CCDC88A: variants seen among roughly 807,000 people sequenced by gnomAD.
CCDC88A encodes coiled-coil and HOOK domain protein 88A, also known as girdin.
In CCDC88A, 54 loss-of-function variants were observed where a neutral mutation model predicts 234.3. The observed-to-expected ratio is 0.23, with a 90% confidence interval of 0.19 to 0.29. The LOEUF (loss-of-function observed/expected upper bound fraction) is 0.29. Among genes scored for constraint, CCDC88A ranks in the 10% least tolerant of loss-of-function variants. The pLI is 1.00. For synonymous variants in CCDC88A, 753 were observed against 737.8 expected (o/e 1.02, Z -0.33); for missense variants, 1,832 against 2,123.4 (o/e 0.86, Z 2.70).
intron 12 of CCDC88A, among the ~76,000 whole-genome samples, chr2:55,341,067 G>A (rs1370016306): frequency 6.7e-6 from 1 of 150,182 alleles, no homozygotes; most frequent in African/African-American, 2.5e-5. Flanking sequence ...TTGTCTTTCT[G>A]TGCCTAGCTT....
chr2:55,295,220 A>G, intron 31 of CCDC88A: 2 of 1,325,964 alleles, frequency 1.5e-6, no homozygotes, highest in Non-Finnish European at 2.0e-6. Flanking sequence ...GATGATCAGA[A>G]AACTGTTCAT....
intron 12 of CCDC88A, among the ~76,000 whole-genome samples, chr2:55,343,235 T>C (rs1298420722): frequency 1.3e-5 from 2 of 152,160 alleles, no homozygotes; most frequent in African/African-American, 4.8e-5. Flanking sequence ...ATTCTAACTA[T>C]ATTTTCCTCT....
At position 55,306,493 on chromosome 2, in the gene CCDC88A, G is replaced by T. The variant is rs189361654; in HGVS notation, c.4387+2316C>A. ...TATATGTACATATATATACCTGTGT[G>T]TGTATATATAAGTGTGTATGACTTT... is the stretch of plus-strand genomic sequence containing the variant. On this transcript the variant is annotated intron_variant, in intron 25 of 32. Transcript: ENST00000436346. Among the ~76,000 whole-genome samples, 705 of 152,226 alleles carry T rather than the reference G, an allele frequency of 4.6e-3. 5 individuals carry two copies. The highest frequency in any genetic ancestry group is 7.6e-3 in the Non-Finnish European group (519 of 68,016).
intron 9 of CCDC88A, chr2:55,349,255 A>G (rs1669567399): frequency 1.3e-5 from 5 of 386,692 alleles, no homozygotes; most frequent in South Asian, 9.1e-5. Context: ...AGCCAAACAC[A>G]TCAAAAAGAA....
At position 55,334,950 on chromosome 2, in the gene CCDC88A, C is replaced by CGAA; in HGVS notation, c.1870_1871insTTC (p.Gly624delinsValArg). 6.4e-7 allele frequency: 1 copy of CGAA among 1,565,338 alleles called. No individual in the cohort carries two copies. Among genetic ancestry groups the CGAA allele is most frequent in the Non-Finnish European group, 8.7e-7 (1 of 1,150,590 alleles). On this transcript the variant is annotated protein_altering_variant, in exon 15 of 33. Transcript: ENST00000436346. This position sits in a 1 kb window ranked among gnomAD's most constrained non-coding sequence, Gnocchi z 6.1. ...ATTTTCAAGTTCTTCAGCTCGTTCT[C>CGAA]CTTTTTCTTTATAATGTTCCAATTC...
chr2:55,328,529 G>T lies in CCDC88A; in HGVS notation c.2856-94C>A. On this transcript the variant is annotated intron_variant, in intron 16 of 32. Coordinates refer to ENST00000436346, the MANE Select transcript of CCDC88A (RefSeq NM_001365480.1). This position sits in a 1 kb window ranked among gnomAD's most constrained non-coding sequence, Gnocchi z 4.3. The stretch of plus-strand genomic sequence containing the variant: ...ACCACAAATATTCATGCCATAAATG[G>T]GTCTTATAAAAGCATTTTTGTTAAA... 3.5e-6 allele frequency: 3 copies of T among 866,350 alleles called. No homozygotes were observed. Among genetic ancestry groups the T allele is most frequent in the South Asian group, 5.0e-5 (2 of 40,284 alleles). 53.7% of individuals were successfully genotyped at this position (866,350 alleles called of 1,614,324 possible).
At chr2:55,416,439 AATAAATAT>A (rs1424901363) in intron 2 of CCDC88A, among the ~76,000 whole-genome samples, 8 of 25,580 alleles carry the variant, frequency 3.1e-4, no homozygotes, top group South Asian at 3.4e-3. Flanking sequence ...TAAATAAATA[AATAAATAT>A]ATATATATAT....
intron 7 of CCDC88A, among the ~76,000 whole-genome samples, chr2:55,358,753 G>A (rs1216887108): frequency 6.6e-6 from 1 of 151,332 alleles, no homozygotes; most frequent in Non-Finnish European, 1.5e-5. Context: ...GTTCTTCAAA[G>A]ATATACAAGT....
Position 55,341,991 on chromosome 2 carries a change from C to T in CCDC88A, c.1333+1657G>A, listed in dbSNP as rs1382361567. ...TTTCTAATTTTTTGAGGAACCTCCACACTGTTTTCCAGAATGGCTGAACCA... is the reference window on the plus strand; with the variant it reads ...TTTCTAATTTTTTGAGGAACCTCCATACTGTTTTCCAGAATGGCTGAACCA... On this transcript the variant is annotated intron_variant, in intron 12 of 32. Transcript: ENST00000436346. Among the ~76,000 whole-genome samples the T allele has an allele frequency of 2.6e-5, 4 of 152,222 alleles. No individual in the cohort carries two copies. The East Asian group carries it at 7.7e-4, about 29-fold the overall frequency.
chr2:55,385,002 G>C (rs1296631900), intron 3 of CCDC88A, among the ~76,000 whole-genome samples: 3 of 152,036 alleles, frequency 2.0e-5, no homozygotes, highest in Non-Finnish European at 4.4e-5. Context: ...TGCACAACAA[G>C]CAACAAATCT....
chr2:55,382,228 A>T (rs57255544), intron 3 of CCDC88A, among the ~76,000 whole-genome samples: 1 of 152,118 alleles, frequency 6.6e-6, no homozygotes, highest in Non-Finnish European at 1.5e-5. Flanking sequence ...CAAAGTATCT[A>T]TTTTTTTAGA....
chr2:55,371,840 G>A (rs548720254), intron 5 of CCDC88A, among the ~76,000 whole-genome samples: 5 of 152,014 alleles, frequency 3.3e-5, no homozygotes, highest in African/African-American at 4.8e-5. Flanking sequence ...TCCCAATTTC[G>A]ATAAAAACTT....
chr2:55,321,778 C>T (rs1304804318), intron 18 of CCDC88A, among the ~76,000 whole-genome samples: 2 of 151,960 alleles, frequency 1.3e-5, no homozygotes, highest in Non-Finnish European at 2.9e-5. Context: ...CTTCTACATA[C>T]AGATAAATGA....
chr2:55,327,356 T>C (rs1009489877), intron 17 of CCDC88A, among the ~76,000 whole-genome samples: 2 of 152,224 alleles, frequency 1.3e-5, no homozygotes, highest in African/African-American at 4.8e-5. Flanking sequence ...TTGATTGGTA[T>C]GTGCACTGTG....
chr2:55,341,113 T>C (rs191003128), intron 12 of CCDC88A, among the ~76,000 whole-genome samples: 4 of 151,228 alleles, frequency 2.6e-5, no homozygotes, highest in East Asian at 2.0e-4. Flanking sequence ...AGTTCATCCA[T>C]ATTGTTGCAA....
At chr2:55,339,701 G>GTC in intron 12 of CCDC88A, 53 bp from the exon 13 acceptor site, 1 of 1,475,850 alleles carries the variant, frequency 6.8e-7, no homozygotes, top group African/African-American at 1.4e-5. Flanking sequence ...TTTTTACTAT[G>GTC]TTTACTCTTT....
chr2:55,391,247 G>C (rs1304971667), intron 2 of CCDC88A, among the ~76,000 whole-genome samples: 1 of 152,122 alleles, frequency 6.6e-6, no homozygotes, highest in Non-Finnish European at 1.5e-5. Context: ...AGCTATTCAA[G>C]AACCCCACCC....
In CCDC88A at chr2:55,406,512, G is replaced by A. The variant is rs149377623; in HGVS notation, c.164+12304C>T. Reference sequence around the variant, plus strand: ...GCTTACACCTGTAATCCCAGCACTTGGGAGGTTGAGGCAGGCTGATCACTT... The same window carrying A: ...GCTTACACCTGTAATCCCAGCACTTAGGAGGTTGAGGCAGGCTGATCACTT... On this transcript the variant is annotated intron_variant, in intron 2 of 32. Coordinates refer to ENST00000436346, the MANE Select transcript of CCDC88A (RefSeq NM_001365480.1). Among the ~76,000 whole-genome samples the A allele has an allele frequency of 7.0e-3, 1,058 of 152,208 alleles. 13 individuals are homozygous for A. Among genetic ancestry groups the A allele is most frequent in the African/African-American group, 0.024 (992 of 41,524 alleles).
chr2:55,352,735 A>G (rs1339787410), intron 8 of CCDC88A, among the ~76,000 whole-genome samples: 2 of 152,216 alleles, frequency 1.3e-5, no homozygotes, highest in Non-Finnish European at 2.9e-5. Context: ...TTTTTCACTC[A>G]TATCACAAAT....
Sources: gnomAD v4.1 joint callset for allele counts (sites outside exome capture counted in the v4.1 genomes callset) on GRCh38, gnomAD v4.1.1 for gene constraint, Gnocchi (gnomAD v3.1) non-coding constraint, MANE v1.5 for transcripts, NCBI Gene and HGNC (gene_info 2026-07-23, HGNC 2026-07-21) for gene names.